The following DEPTOR variants were observed in gnomAD, a reference collection of about 807,000 sequenced individuals.
DEPTOR encodes DEP domain containing MTOR interacting protein.
DEPTOR carries 41 observed loss-of-function variants against 41.6 expected under a neutral mutation model. That is an observed-to-expected ratio of 0.98 (90% CI 0.77 to 1.28). The LOEUF (loss-of-function observed/expected upper bound fraction) is 1.28. DEPTOR is among the 50% of genes most tolerant of loss of function. The pLI, the probability that DEPTOR is intolerant of heterozygous loss-of-function variation, is 0.00. For synonymous variants in DEPTOR, 195 were observed against 192.3 expected, an observed-to-expected ratio of 1.01 and a Z score of -0.12; for missense variants, 514 against 527.9, an observed-to-expected ratio of 0.97 and a Z score of 0.26.
chr8:119,909,596 T>C (rs79095649), intron 1 of DEPTOR, among the ~76,000 whole-genome samples: 5,641 of 152,330 alleles, frequency 0.037, 169 homozygotes, highest in Non-Finnish European at 0.056. Flanking sequence ...AAACCATTAA[T>C]GTAAACAATT....
intron 7 of DEPTOR, 64 bp downstream of exon 7, chr8:120,006,939 C>A: frequency 6.9e-7 from 1 of 1,454,424 alleles, no homozygotes; most frequent in Non-Finnish European, 9.6e-7. Flanking sequence ...GTCCATGTGT[C>A]AATGGGTAGC....
chr8:120,021,273 A>G (rs1334882744), intron 8 of DEPTOR, among the ~76,000 whole-genome samples: 2 of 151,788 alleles, frequency 1.3e-5, no homozygotes, highest in Non-Finnish European at 2.9e-5. Flanking sequence ...GCATGGTGGC[A>G]GGCACCTGTA....
chr8:119,923,889 C>CTTTTTTTTTTTTTTTTTTTTTTTTT (rs1827929723), intron 1 of DEPTOR, among the ~76,000 whole-genome samples: 1 of 72,210 alleles, frequency 1.4e-5, no homozygotes, highest in African/African-American at 6.6e-5. Context: ...TTTCTTTTTT[C>CTTTTTTTTTTTTTTTTTTTTTTTTT]TTTCTTTTTT....
intron 3 of DEPTOR, among the ~76,000 whole-genome samples, chr8:119,940,565 G>A (rs971832382): frequency 7.2e-5 from 11 of 152,078 alleles, no homozygotes; most frequent in Non-Finnish European, 7.3e-5. Flanking sequence ...GGCCAACTTG[G>A]CAAAACCTCG....
At chr8:120,030,213 A>G (rs7835803) in intron 8 of DEPTOR, among the ~76,000 whole-genome samples, 2,123 of 152,234 alleles carry the variant, frequency 0.014, 56 homozygotes, top group African/African-American at 0.048. Context: ...GCTGTGATGT[A>G]TCTGCGGAGA....
intron 1 of DEPTOR, among the ~76,000 whole-genome samples, chr8:119,904,028 C>T (rs1827628269): frequency 6.6e-6 from 1 of 152,128 alleles, no homozygotes; most frequent in South Asian, 2.1e-4. Context: ...TCTTCCCCAC[C>T]CCAAAGTGCC....
chr8:120,033,590 GC>G (rs1563598411), intron 8 of DEPTOR, among the ~76,000 whole-genome samples: 1 of 152,094 alleles, frequency 6.6e-6, no homozygotes, highest in African/African-American at 2.4e-5. Flanking sequence ...GCTGATATTG[GC>G]AAAATGTTTT....
At chr8:119,907,269 T>C (rs1021987784) in intron 1 of DEPTOR, among the ~76,000 whole-genome samples, 8 of 152,122 alleles carry the variant, frequency 5.3e-5, no homozygotes, top group Non-Finnish European at 1.0e-4. Context: ...ACAGATTAAT[T>C]TGAGGTTTTT....
At chr8:119,930,438 T>C (rs1448529553) in intron 3 of DEPTOR, among the ~76,000 whole-genome samples, 3 of 152,136 alleles carry the variant, frequency 2.0e-5, no homozygotes, top group African/African-American at 7.2e-5. Flanking sequence ...GGTTTCACCA[T>C]GTTGGCCAGG....
intron 8 of DEPTOR, among the ~76,000 whole-genome samples, chr8:120,020,841 T>C (rs1303347823): frequency 6.6e-6 from 1 of 151,862 alleles, no homozygotes; most frequent in Non-Finnish European, 1.5e-5. Flanking sequence ...GGTGGATTAC[T>C]AGAGGTCAAG....
intron 1 of DEPTOR, among the ~76,000 whole-genome samples, chr8:119,903,282 G>A (rs1242755076): frequency 6.6e-6 from 1 of 152,130 alleles, no homozygotes; most frequent in Non-Finnish European, 1.5e-5. Context: ...ATTTTTAGTA[G>A]GGATGGGGTT....
intron 1 of DEPTOR, among the ~76,000 whole-genome samples, chr8:119,900,695 C>CT (rs1219231995): frequency 6.6e-6 from 1 of 151,796 alleles, no homozygotes; most frequent in African/African-American, 2.4e-5. Flanking sequence ...GGACCTTACA[C>CT]TTTTTTTTCT....
At chr8:119,996,905 C>T (rs1812269748) in intron 4 of DEPTOR, among the ~76,000 whole-genome samples, 1 of 152,004 alleles carries the variant, frequency 6.6e-6, no homozygotes, top group African/African-American at 2.4e-5. Flanking sequence ...AGAAGGTTGC[C>T]AGAAATAACT....
intron 1 of DEPTOR, among the ~76,000 whole-genome samples, chr8:119,915,452 T>G (rs1447357809): frequency 6.6e-6 from 1 of 152,176 alleles, no homozygotes; most frequent in Non-Finnish European, 1.5e-5. Flanking sequence ...CAGAAATGAC[T>G]TGCAGGGCTG....
intron 4 of DEPTOR, among the ~76,000 whole-genome samples, chr8:120,000,243 G>A (rs1402385007): frequency 6.6e-6 from 1 of 151,964 alleles, no homozygotes; most frequent in Non-Finnish European, 1.5e-5. Flanking sequence ...GGCAATTTTA[G>A]AACATTTTCA....
intron 3 of DEPTOR, among the ~76,000 whole-genome samples, chr8:119,943,931 G>C (rs1483919731): frequency 6.6e-6 from 1 of 152,000 alleles, no homozygotes; most frequent in Non-Finnish European, 1.5e-5. Flanking sequence ...TCCGCCTCCC[G>C]GGTTCACGCC....
chr8:119,946,602 C>T (rs1342600380), intron 3 of DEPTOR, among the ~76,000 whole-genome samples: 2 of 152,000 alleles, frequency 1.3e-5, no homozygotes, highest in African/African-American at 4.8e-5. Context: ...GGTGTGGTGG[C>T]ACATGCCTGT....
At chr8:119,902,606 T>C (rs1368706304) in intron 1 of DEPTOR, among the ~76,000 whole-genome samples, 1 of 152,150 alleles carries the variant, frequency 6.6e-6, no homozygotes, top group African/African-American at 2.4e-5. Flanking sequence ...CCCAAAGTGC[T>C]GGGATTACAG....
chr8:119,981,791 C>T lies in DEPTOR; in HGVS notation c.604+16381C>T, dbSNP rs985589072. On this transcript the variant is annotated intron_variant, in intron 4 of 8. Coordinates refer to ENST00000286234, the MANE Select transcript of DEPTOR (RefSeq NM_022783.4). ...CAGCACTTTGGGAAGCCAAGGCAGG[C>T]GAATCACAAGGTCAGGAGTTTGAGA... Among the ~76,000 whole-genome samples the T allele has an allele frequency of 7.9e-5, 12 of 151,692 alleles. No individual in the cohort carries two copies. In the South Asian group the frequency reaches 8.3e-4, roughly 10 times the overall value.
Sources: gnomAD v4.1 joint callset for allele counts (sites outside exome capture counted in the v4.1 genomes callset) on GRCh38, gnomAD v4.1.1 for gene constraint, MANE v1.5 for transcripts, NCBI Gene and HGNC (gene_info 2026-07-23, HGNC 2026-07-21) for gene names.